The following ARHGEF12 variants were observed in gnomAD, a reference collection of about 807,000 sequenced individuals.
The protein encoded by ARHGEF12 is KMT2A/ARHGEF12 fusion protein.
Under a neutral mutation model 211.2 loss-of-function variants are expected in ARHGEF12, and 66 were observed. The observed-to-expected ratio is 0.31, with a 90% CI of 0.26 to 0.38. ARHGEF12 has a LOEUF of 0.38. Among genes scored for constraint, ARHGEF12 ranks in the 10% least tolerant of loss-of-function variants. The pLI is 1.00. For missense variants in ARHGEF12, 1,429 were observed against 1,869.5 expected (o/e 0.76, Z 4.34); for synonymous variants, 592 against 638.4 (o/e 0.93, Z 1.09).
At chr11:120,359,362 T>C (rs770511946) in intron 1 of ARHGEF12, among the ~76,000 whole-genome samples, 4 of 152,126 alleles carry the variant, frequency 2.6e-5, no homozygotes, top group Non-Finnish European at 4.4e-5. Flanking sequence ...TAGCTGGGAC[T>C]ACAGGCATGC....
chr11:120,355,629 CCCAGGAGCT>C (rs1943110896), intron 1 of ARHGEF12, among the ~76,000 whole-genome samples: 1 of 152,146 alleles, frequency 6.6e-6, no homozygotes, highest in South Asian at 2.1e-4. Flanking sequence ...ATTGCTTGAG[CCCAGGAGCT>C]CCAGGCTGCA....
chr11:120,476,807 T>A, intron 34 of ARHGEF12, 59 bp downstream of exon 34: 1 of 1,350,248 alleles, frequency 7.4e-7, no homozygotes. Flanking sequence ...CCAAGCGTAA[T>A]ATTCCATAAA....
intron 1 of ARHGEF12, among the ~76,000 whole-genome samples, chr11:120,378,782 C>T (rs1405328583): frequency 6.6e-6 from 1 of 152,136 alleles, no homozygotes; most frequent in Non-Finnish European, 1.5e-5. Flanking sequence ...AATAGACTGT[C>T]TGTGCATAGT....
intron 1 of ARHGEF12, among the ~76,000 whole-genome samples, chr11:120,371,667 A>T (rs1425850240): frequency 6.6e-6 from 1 of 152,238 alleles, no homozygotes; most frequent in Admixed American, 6.5e-5. Flanking sequence ...TCAAGTTATT[A>T]CAGTGAGATC....
intron 1 of ARHGEF12, among the ~76,000 whole-genome samples, chr11:120,403,432 G>A (rs1044840644): frequency 3.3e-5 from 5 of 151,910 alleles, no homozygotes; most frequent in African/African-American, 4.8e-5. Context: ...GTTTGAACCC[G>A]GGAGGTGGAG....
In ARHGEF12 at chr11:120,429,529, G is replaced by GCTAAAAT. The variant is rs1416608950; in HGVS notation, c.663+12_663+13insCTAAAAT. 1 of 1,612,202 alleles carries GCTAAAAT rather than the reference G, an allele frequency of 6.2e-7. No homozygotes were observed. Among genetic ancestry groups the GCTAAAAT allele is most frequent in the Non-Finnish European group, 8.5e-7 (1 of 1,179,184 alleles). ...AGGAACGGCTACAGGTATTAAATGA[G>GCTAAAAT]AAGTAGGGCTGTTTACAGGCCAATA... On this transcript the variant is annotated intron_variant, in intron 9 of 40. Transcript: ENST00000397843.
At chr11:120,431,133 T>A (rs1945516256) in intron 10 of ARHGEF12, among the ~76,000 whole-genome samples, 1 of 151,626 alleles carries the variant, frequency 6.6e-6, no homozygotes, top group South Asian at 2.1e-4. Context: ...CTACTAAAAA[T>A]AAAAAAATTA....
At chr11:120,435,985 C>T (rs1446387468) in intron 11 of ARHGEF12, among the ~76,000 whole-genome samples, 2 of 152,116 alleles carry the variant, frequency 1.3e-5, no homozygotes, top group Non-Finnish European at 2.9e-5. Flanking sequence ...TAATAGGTTA[C>T]CCTAAAATAC....
intron 39 of ARHGEF12, among the ~76,000 whole-genome samples, chr11:120,482,642 G>A (rs1247231452): frequency 1.3e-5 from 2 of 151,978 alleles, no homozygotes; most frequent in Non-Finnish European, 2.9e-5. Flanking sequence ...CTACTCAGGA[G>A]GCTGAGGCAG....
chr11:120,399,248 G>C (rs892679435), intron 1 of ARHGEF12, among the ~76,000 whole-genome samples: 2 of 134,646 alleles, frequency 1.5e-5, no homozygotes, highest in Non-Finnish European at 3.1e-5. Flanking sequence ...TTGAGCCCAG[G>C]AGTTCGAGGT....
intron 29 of ARHGEF12, 94 bp downstream of exon 29, chr11:120,467,402 G>T: frequency 8.9e-5 from 45 of 503,002 alleles, no homozygotes; most frequent in South Asian, 1.9e-4. Context: ...CCTGAATGGA[G>T]TTGGATTTCC....
intron 10 of ARHGEF12, 132 bp downstream of exon 10, chr11:120,429,963 G>T: frequency 1.0e-6 from 1 of 964,510 alleles, no homozygotes; most frequent in Non-Finnish European, 1.5e-6. Flanking sequence ...GTCCTGTTAA[G>T]GATGTTACAG....
intron 1 of ARHGEF12, among the ~76,000 whole-genome samples, chr11:120,401,412 T>C (rs1468522927): frequency 6.6e-6 from 1 of 152,236 alleles, no homozygotes; most frequent in Non-Finnish European, 1.5e-5. Flanking sequence ...CAGACAAATG[T>C]CCTCTTAGCT....
chr11:120,371,480 T>A (rs962152275), intron 1 of ARHGEF12, among the ~76,000 whole-genome samples: 1 of 152,176 alleles, frequency 6.6e-6, no homozygotes, highest in African/African-American at 2.4e-5. Flanking sequence ...AGAGCGAACC[T>A]CCGTCTCAAA....
intron 1 of ARHGEF12, among the ~76,000 whole-genome samples, chr11:120,388,965 C>T (rs1305783779): frequency 6.6e-6 from 1 of 152,004 alleles, no homozygotes; most frequent in East Asian, 1.9e-4. Context: ...TGAGTTCAAG[C>T]GATTCTCCTG....
intron 1 of ARHGEF12, chr11:120,337,706 A>C (rs1382064118): frequency 5.1e-6 from 5 of 985,410 alleles, no homozygotes; most frequent in Non-Finnish European, 6.0e-6. Context: ...CTACCTGTGA[A>C]CTTAATGTTG....
At chr11:120,354,824 G>A (rs1166600761) in intron 1 of ARHGEF12, among the ~76,000 whole-genome samples, 1 of 152,182 alleles carries the variant, frequency 6.6e-6, no homozygotes, top group Non-Finnish European at 1.5e-5. Context: ...AGGCTAACAT[G>A]CAAAAGGCAG....
chr11:120,472,688 T>C (rs1435234843), intron 30 of ARHGEF12, among the ~76,000 whole-genome samples: 2 of 152,018 alleles, frequency 1.3e-5, no homozygotes, highest in African/African-American at 2.4e-5. Context: ...GGAGTCTTGC[T>C]GTGTCGCCCA....
intron 1 of ARHGEF12, among the ~76,000 whole-genome samples, chr11:120,339,854 G>C (rs1242336405): frequency 2.0e-5 from 3 of 152,148 alleles, no homozygotes; most frequent in African/African-American, 7.2e-5. Flanking sequence ...GTTACATCCT[G>C]TTATTATTTT....
Sources: allele counts gnomAD v4.1 joint callset (sites outside exome capture counted in the v4.1 genomes callset), GRCh38; gene constraint gnomAD v4.1.1; transcripts MANE v1.5; gene names NCBI Gene and HGNC (gene_info 2026-07-23, HGNC 2026-07-21).